The following ZDHHC3 variants were observed in gnomAD, a reference collection of about 807,000 sequenced individuals.
ZDHHC3 encodes the protein palmitoyltransferase ZDHHC3.
Under a neutral mutation model 30.6 loss-of-function variants are expected in ZDHHC3, and 9 were observed. The observed-to-expected ratio is 0.29, with a 90% CI of 0.18 to 0.51. The LOEUF (loss-of-function observed/expected upper bound fraction) is 0.51. ZDHHC3 is among the 20% of genes least tolerant of loss of function. The pLI is 0.97. For missense variants in ZDHHC3, 246 were observed against 384.2 expected (o/e 0.64, Z 3.01); for synonymous variants, 136 against 140.2 (o/e 0.97, Z 0.21).
chr3:44,948,053 C>A (rs1224539454), intron 2 of ZDHHC3, among the ~76,000 whole-genome samples: 3 of 152,220 alleles, frequency 2.0e-5, no homozygotes, highest in Admixed American at 2.0e-4. Context: ...TACTTCACAG[C>A]AAGCTCCACT....
Position 44,932,494 on chromosome 3 carries a change from T to A in ZDHHC3, c.610+624A>T, listed in dbSNP as rs374115018. On this transcript the variant is annotated intron_variant, in intron 5 of 6. Transcript: ENST00000424952. ...CCAGCCCAGCAGGTGGCCTCTTATT[T>A]CTTTTCCTCCAGCATCTATTGTTTT... is the stretch of plus-strand genomic sequence containing the variant. 1.5e-3 allele frequency among the ~76,000 whole-genome samples: 232 copies of A among 152,314 alleles called. 1 individual carries two copies. The highest frequency in any genetic ancestry group is 5.3e-3 in the African/African-American group (220 of 41,568).
Position 44,925,027 on chromosome 3 carries a change from C to T in ZDHHC3, c.*1662G>A. 3 of 985,528 alleles carry T rather than the reference C, an allele frequency of 3.0e-6. No homozygotes were observed. The highest frequency in any genetic ancestry group is 3.6e-6 in the Non-Finnish European group (3 of 829,900). 61.0% of individuals were successfully genotyped at this position (985,528 alleles called of 1,614,324 possible). ...TGGTTCAAGAGAGGGACCATAAATGCATTTTAAAACAAAAAAAATAAAGTA... is the reference window on the plus strand; with the variant it reads ...TGGTTCAAGAGAGGGACCATAAATGTATTTTAAAACAAAAAAAATAAAGTA... On this transcript the variant is annotated 3_prime_UTR_variant, in exon 7 of 7. Coordinates refer to ENST00000424952, the MANE Select transcript of ZDHHC3 (RefSeq NM_001135179.2).
chr3:44,944,151 A>C (rs903251228), intron 3 of ZDHHC3, among the ~76,000 whole-genome samples: 19 of 152,010 alleles, frequency 1.2e-4, no homozygotes, highest in African/African-American at 4.3e-4. Context: ...TAATTAAAAA[A>C]AAATTTTTTT....
rs376440181 is a variant in ZDHHC3 at position 44,959,117 on chromosome 3, C to G, written c.306+14G>C. 142 of 1,613,506 alleles carry G rather than the reference C, an allele frequency of 8.8e-5. No individual in the cohort carries two copies. Among genetic ancestry groups the G allele is most frequent in the Non-Finnish European group, 1.2e-4 (142 of 1,179,708 alleles). Reference sequence around the variant, plus strand: ...AGAGTGTGGGCTGGTCAAAACAAGCCCAGACATACTCACGGGGTCCGTCAG... The same window carrying G: ...AGAGTGTGGGCTGGTCAAAACAAGCGCAGACATACTCACGGGGTCCGTCAG... On this transcript the variant is annotated intron_variant, in intron 2 of 6. Transcript: ENST00000424952. This position sits in a 1 kb window ranked among gnomAD's most constrained non-coding sequence, Gnocchi z 4.3.
intron 1 of ZDHHC3, among the ~76,000 whole-genome samples, chr3:44,974,749 G>A (rs2125946523): frequency 6.6e-6 from 1 of 152,320 alleles, no homozygotes; most frequent in African/African-American, 2.4e-5. Context: ...TCCAGTCTAC[G>A]AAGAACTGAT....
intron 2 of ZDHHC3, among the ~76,000 whole-genome samples, chr3:44,955,001 C>T (rs570568776): frequency 2.0e-3 from 299 of 152,288 alleles, no homozygotes; most frequent in Non-Finnish European, 3.5e-3. Context: ...TTATAAACGT[C>T]TAAAGTGTTT....
intron 1 of ZDHHC3, among the ~76,000 whole-genome samples, chr3:44,963,480 T>C (rs1704655388): frequency 7.1e-6 from 1 of 141,384 alleles, no homozygotes; most frequent in African/African-American, 2.6e-5. Flanking sequence ...ATTAGCCAAC[T>C]GAAAATCTGA....
chr3:44,918,228 A>AG lies in ZDHHC3; in HGVS notation c.*8460dup. The AG allele has an allele frequency of 1.1e-6, 1 of 911,736 alleles. No individual in the cohort carries two copies. Among genetic ancestry groups the AG allele is most frequent in the Non-Finnish European group, 1.4e-6 (1 of 730,992 alleles). The allele number at this position is 911,736 out of a possible 1,614,324, so 56.5% of individuals were successfully genotyped here. On this transcript the variant is annotated 3_prime_UTR_variant, in exon 7 of 7. Transcript: ENST00000424952. ...TAGACACCCCCAGCTATAGCATAGC[A>AG]GTGGCGGGGGGGGGGGCGGGGTGTC...
chr3:44,922,637 C>G lies in ZDHHC3; in HGVS notation c.*4052G>C. ...CATATCACCAGCAGGCATCAGGGAC[C>G]ACCTGAGGGGGGACTCCTGCTAGCC... On this transcript the variant is annotated 3_prime_UTR_variant, in exon 7 of 7. Transcript: ENST00000424952. 2 of 985,290 alleles carry G rather than the reference C, an allele frequency of 2.0e-6. No individual in the cohort carries two copies. The highest frequency in any genetic ancestry group is 2.4e-6 in the Non-Finnish European group (2 of 829,916). 61.0% of individuals were successfully genotyped at this position (985,290 alleles called of 1,614,324 possible).
chr3:44,958,330 A>G (rs932352532), intron 2 of ZDHHC3, among the ~76,000 whole-genome samples: 1 of 152,206 alleles, frequency 6.6e-6, no homozygotes, highest in Non-Finnish European at 1.5e-5. Flanking sequence ...GGGCTCACAG[A>G]AACAAAATCT....
Position 44,917,940 on chromosome 3 carries a change from T to C in ZDHHC3, c.*8749A>G, listed in dbSNP as rs1210747369. ...CAGAGTCCTCGTCCTTTGTCTCCTC[T>C]GATGGATCCTCCATTGTTTCGGTGT... On this transcript the variant is annotated 3_prime_UTR_variant, in exon 7 of 7. Transcript: ENST00000424952. The C allele has an allele frequency of 2.9e-5, 38 of 1,305,132 alleles. No individual in the cohort carries two copies. The highest frequency in any genetic ancestry group is 3.8e-5 in the Non-Finnish European group (38 of 988,974). The allele number at this position is 1,305,132 out of a possible 1,614,324, so 80.8% of individuals were successfully genotyped here. A position where few individuals can be genotyped will look rare whatever the true frequency, so the allele number is the denominator to read the frequency against.
intron 3 of ZDHHC3, among the ~76,000 whole-genome samples, chr3:44,940,818 C>G (rs1702378579): frequency 6.6e-6 from 1 of 152,188 alleles, no homozygotes; most frequent in South Asian, 2.1e-4. Flanking sequence ...TATGAGGGCC[C>G]TTACTTGGTA....
chr3:44,958,756 C>A, intron 2 of ZDHHC3: 1 of 1,271,808 alleles, frequency 7.9e-7, no homozygotes, highest in South Asian at 1.3e-5. Flanking sequence ...AAGCCCAATC[C>A]TGACCCAACC....
chr3:44,960,347 A>T (rs1704365493), intron 1 of ZDHHC3, among the ~76,000 whole-genome samples: 1 of 152,176 alleles, frequency 6.6e-6, no homozygotes, highest in Non-Finnish European at 1.5e-5. Context: ...GGAGCTTGTG[A>T]CGAATGATAC....
chr3:44,963,202 C>T (rs908805303), intron 1 of ZDHHC3, among the ~76,000 whole-genome samples: 3 of 152,140 alleles, frequency 2.0e-5, no homozygotes, highest in Non-Finnish European at 2.9e-5. Flanking sequence ...CTTCAAACAA[C>T]GTGGGACCAA....
At position 44,924,817 on chromosome 3, in the gene ZDHHC3, T is replaced by C. The variant is rs1700855470; in HGVS notation, c.*1872A>G. On this transcript the variant is annotated 3_prime_UTR_variant, in exon 7 of 7. Transcript: ENST00000424952. ...CATATGGAAAACAAATGCTATCAAC[T>C]TGATCTAAAACAGCATTCTTTTCTT... The C allele has an allele frequency of 2.0e-6, 2 of 985,410 alleles. No individual in the cohort carries two copies. The highest frequency in any genetic ancestry group is 9.4e-5 in the South Asian group (2 of 21,294). 61.0% of individuals were successfully genotyped at this position (985,410 alleles called of 1,614,324 possible).
chr3:44,955,482 T>C (rs974956344), intron 2 of ZDHHC3, among the ~76,000 whole-genome samples: 3 of 148,388 alleles, frequency 2.0e-5, no homozygotes, highest in Non-Finnish European at 4.5e-5. Context: ...TATATGTATA[T>C]ATATATATTT....
At chr3:44,933,325 G>A in intron 4 of ZDHHC3, 126 bp from the exon 5 acceptor site, 2 of 800,638 alleles carry the variant, frequency 2.5e-6, no homozygotes. Context: ...CTGACCAGGA[G>A]GGACCAGAGG....
At chr3:44,926,930 A>G in intron 6 of ZDHHC3, 83 bp from the exon 7 acceptor site, 1 of 1,445,506 alleles carries the variant, frequency 6.9e-7, no homozygotes. Context: ...CGACAGGTGA[A>G]TGGAGTAAAT....
Sources: allele counts gnomAD v4.1 joint callset (sites outside exome capture counted in the v4.1 genomes callset), GRCh38; gene constraint gnomAD v4.1.1; non-coding constraint Gnocchi (gnomAD v3.1); transcripts MANE v1.5; gene names NCBI Gene and HGNC (gene_info 2026-07-23, HGNC 2026-07-21).